Variants in TULP3 observed in about 807,000 individuals in gnomAD.
TULP3 encodes TUB like protein 3.
In TULP3, 38 loss-of-function variants were observed where a neutral mutation model predicts 50.7. That is an observed-to-expected ratio of 0.75 (90% CI 0.58 to 0.98). The LOEUF is 0.98. Ranked by LOEUF, TULP3 falls within the 50% of genes least tolerant of loss-of-function variation. The pLI, the probability that TULP3 is intolerant of heterozygous loss-of-function variation, is 0.00. For synonymous variants in TULP3, 183 were observed against 196.6 expected (o/e 0.93, Z 0.58); for missense variants, 550 against 568.0 (o/e 0.97, Z 0.32).
Position 2,938,297 on chromosome 12 carries a change from G to A in TULP3, c.1195+12G>A, listed in dbSNP as rs774228176. 50 of 1,612,502 alleles carry A rather than the reference G, an allele frequency of 3.1e-5. No individual in the cohort carries two copies. Among genetic ancestry groups the A allele is most frequent in the African/African-American group, 4.0e-5 (3 of 74,898 alleles). On this transcript the variant is annotated intron_variant, in intron 10 of 10. Transcript: ENST00000448120. ...CCACAAAAATGACCGTAAGCCTCCA[G>A]GAGGGGTTGGGTGGGAAGAGGAGGA...
chr12:2,940,811 C>T lies in TULP3; in HGVS notation c.*1367C>T. On this transcript the variant is annotated 3_prime_UTR_variant, in exon 11 of 11. Transcript: ENST00000448120. ...TGCTGGGTGAGGACGAGACTGTTTC[C>T]ATCTCAGGCATGTATCCCACCAAGT... 5 of 1,254,288 alleles carry T rather than the reference C, an allele frequency of 4.0e-6. No homozygotes were observed. The highest frequency in any genetic ancestry group is 4.4e-6 in the Non-Finnish European group (4 of 909,972). The allele number at this position is 1,254,288 out of a possible 1,614,324, so 77.7% of individuals were successfully genotyped here. A position where few individuals can be genotyped will look rare whatever the true frequency, so the allele number is the denominator to read the frequency against.
chr12:2,911,656 C>T (rs939248250), intron 2 of TULP3, among the ~76,000 whole-genome samples: 16 of 116,696 alleles, frequency 1.4e-4, no homozygotes, highest in African/African-American at 3.5e-4. Flanking sequence ...TGAGCCACTG[C>T]GCCCAGCCTT....
In TULP3 at chr12:2,940,228, A is replaced by G; in HGVS notation, c.*784A>G. On this transcript the variant is annotated 3_prime_UTR_variant, in exon 11 of 11. Transcript: ENST00000448120. ...CTCACAGCTATATGACTACGGATCC[A>G]TTAGTGAGGAGCGACACACACACCT... The G allele has an allele frequency of 7.4e-7, 1 of 1,350,464 alleles. No homozygotes were observed. The highest frequency in any genetic ancestry group is 9.7e-7 in the Non-Finnish European group (1 of 1,029,826). 83.7% of individuals were successfully genotyped at this position (1,350,464 alleles called of 1,614,324 possible). A position where few individuals can be genotyped will look rare whatever the true frequency, so the allele number is the denominator to read the frequency against.
At chr12:2,931,005 CTGT>C (rs1299954647) in intron 5 of TULP3, 29 bp from the exon 6 acceptor site, 1 of 1,611,986 alleles carries the variant, frequency 6.2e-7, no homozygotes, top group Non-Finnish European at 8.5e-7. Context: ...GAGTCTCGGC[CTGT>C]TGTTGCTCAT....
intron 2 of TULP3, among the ~76,000 whole-genome samples, chr12:2,914,058 T>TTG (rs1201421076): frequency 2.0e-5 from 3 of 152,220 alleles, no homozygotes; most frequent in African/African-American, 7.2e-5. Context: ...CCTCAAACAT[T>TTG]TGTCATTTCT....
In TULP3 at chr12:2,890,954, G is replaced by A; in HGVS notation, c.7G>A (p.Ala3Thr). 4 of 1,596,516 alleles carry A rather than the reference G, an allele frequency of 2.5e-6. No individual in the cohort carries two copies. The highest frequency in any genetic ancestry group is 3.4e-6 in the Non-Finnish European group (4 of 1,171,852). The stretch of plus-strand genomic sequence containing the variant: ...GGCTTCCTCGGTGGCGGGCATGGAG[G>A]CTTCGCGCTGCCGGCTCAGTCCCAG... ME[A>T]SRCRLSPSGD... Residue 3 changes from alanine (A) to threonine (T), a missense_variant, in exon 1 of 11, where the codon GCT (alanine) becomes ACT (threonine). Coordinates refer to ENST00000448120, the MANE Select transcript of TULP3 (RefSeq NM_003324.5).
At chr12:2,925,605 G>T (rs1448993693) in intron 4 of TULP3, among the ~76,000 whole-genome samples, 2 of 152,136 alleles carry the variant, frequency 1.3e-5, no homozygotes, top group African/African-American at 4.8e-5. Flanking sequence ...TGCCTTGGGG[G>T]TTTGTAAAGA....
rs548529415 is a variant in TULP3, at chr12:2,894,614, G to C, written c.41+3626G>C. Among the ~76,000 whole-genome samples, 5 of 151,694 alleles carry C rather than the reference G, an allele frequency of 3.3e-5. No homozygotes were observed. The South Asian group carries it at 1.0e-3, about 32-fold the overall frequency. ...TGTCAAGATAAAAAGCTCAATAATA[G>C]GCTAGGTGCAGTGGCTCATGCCTGT... is the stretch of plus-strand genomic sequence containing the variant. On this transcript the variant is annotated intron_variant, in intron 1 of 10. Transcript: ENST00000448120.
At chr12:2,926,210 A>AGG (rs975691591) in intron 4 of TULP3, among the ~76,000 whole-genome samples, 2 of 152,158 alleles carry the variant, frequency 1.3e-5, no homozygotes, top group Non-Finnish European at 2.9e-5. Context: ...ACCAATAAAA[A>AGG]GGGGGGGTGC....
In TULP3 at chr12:2,940,506, C is replaced by CT; in HGVS notation, c.*1064dup. The CT allele has an allele frequency of 6.5e-7, 1 of 1,536,278 alleles. No individual in the cohort carries two copies. The highest frequency in any genetic ancestry group is 8.8e-7 in the Non-Finnish European group (1 of 1,139,066). ...ACACCCCTCCACGTATTATGTGACT[C>CT]TTACACCAGTTCACCCTTCCCAGAA... On this transcript the variant is annotated 3_prime_UTR_variant, in exon 11 of 11. Transcript: ENST00000448120.
intron 2 of TULP3, among the ~76,000 whole-genome samples, chr12:2,911,837 A>C (rs1403718905): frequency 4.0e-5 from 6 of 151,690 alleles, no homozygotes; most frequent in Admixed American, 3.3e-4. Flanking sequence ...TAAATAACGT[A>C]CGAGAAGCTG....
At chr12:2,903,492 G>A (rs1343330579) in intron 1 of TULP3, among the ~76,000 whole-genome samples, 1 of 151,020 alleles carries the variant, frequency 6.6e-6, no homozygotes, top group African/African-American at 2.4e-5. Context: ...AACCCGGGAG[G>A]CGGAGGTTGC....
intron 2 of TULP3, among the ~76,000 whole-genome samples, chr12:2,912,881 A>G (rs759608247): frequency 6.6e-6 from 1 of 152,322 alleles, no homozygotes; most frequent in Middle Eastern, 3.4e-3. Flanking sequence ...TACCTACCCA[A>G]GGAAGGAGAT....
chr12:2,923,746 C>G (rs1342343852), intron 4 of TULP3, among the ~76,000 whole-genome samples: 1 of 151,220 alleles, frequency 6.6e-6, no homozygotes, highest in Non-Finnish European at 1.5e-5. Context: ...CTGAGGCGGG[C>G]AGATCACTTG....
At chr12:2,915,145 T>C (rs2098187915) in intron 2 of TULP3, among the ~76,000 whole-genome samples, 1 of 151,846 alleles carries the variant, frequency 6.6e-6, no homozygotes, top group South Asian at 2.1e-4. Context: ...GACGCCACCA[T>C]GCCTGGCTAA....
At position 2,937,200 on chromosome 12, in the gene TULP3, A is replaced by ATTTTTTTTTTTTTTTTT. The variant is rs771074689; in HGVS notation, c.925-416_925-400dup. On this transcript the variant is annotated intron_variant, in intron 8 of 10. Transcript: ENST00000448120. Reference sequence around the variant, plus strand: ...AATAAAATTATTTTTGGTACACCTGATTTTTTTTTTTTTTTTTTTTTTTTT... The same window carrying ATTTTTTTTTTTTTTTTT: ...AATAAAATTATTTTTGGTACACCTGATTTTTTTTTTTTTTTTTTTTTTTTTTTTTTTTTTTTTTTTTT... Among the ~76,000 whole-genome samples, 11 of 54,466 alleles carry ATTTTTTTTTTTTTTTTT rather than the reference A, an allele frequency of 2.0e-4. 4 individuals carry two copies. In the South Asian group the frequency reaches 3.6e-3, roughly 18 times the overall value. The allele number at this position is 54,466 out of a possible 152,430, so 35.7% of individuals were successfully genotyped here.
At chr12:2,913,527 G>A (rs1316431715) in intron 2 of TULP3, among the ~76,000 whole-genome samples, 1 of 152,076 alleles carries the variant, frequency 6.6e-6, no homozygotes, top group Non-Finnish European at 1.5e-5. Context: ...GCCTCCCAAA[G>A]TGCTAGGATT....
chr12:2,911,334 A>G (rs1023814035), intron 2 of TULP3, among the ~76,000 whole-genome samples: 1 of 151,590 alleles, frequency 6.6e-6, no homozygotes, highest in Non-Finnish European at 1.5e-5. Flanking sequence ...CTTTTAATAT[A>G]TCTTCCAGAG....
chr12:2,895,911 T>TCTAAAC (rs3056912), intron 1 of TULP3, among the ~76,000 whole-genome samples: 71,861 of 151,344 alleles, frequency 0.47, 17,493 homozygotes, highest in African/African-American at 0.59. Context: ...AGTATTAGCA[T>TCTAAAC]ATCTAAACAT....
Sources: gnomAD v4.1 joint callset for allele counts (sites outside exome capture counted in the v4.1 genomes callset) on GRCh38, gnomAD v4.1.1 for gene constraint, MANE v1.5 for transcripts, NCBI Gene and HGNC (gene_info 2026-07-23, HGNC 2026-07-21) for gene names.